IGF1R: variants seen among roughly 807,000 people sequenced by gnomAD.
The protein encoded by IGF1R is insulin like growth factor 1 receptor.
Under a neutral mutation model 144.6 loss-of-function variants are expected in IGF1R, and 44 were observed. The observed-to-expected ratio is 0.30, with a 90% confidence interval of 0.24 to 0.39. The LOEUF (loss-of-function observed/expected upper bound fraction) is 0.39, where lower values mean the gene tolerates loss of function less well. Ranked by LOEUF, IGF1R falls within the 10% of genes least tolerant of loss-of-function variation. The pLI, the probability that IGF1R is intolerant of heterozygous loss-of-function variation, is 1.00. For synonymous variants in IGF1R, 795 were observed against 722.8 expected, an observed-to-expected ratio of 1.10 and a Z score of -1.60; for missense variants, 1,355 against 1,833.7, an observed-to-expected ratio of 0.74 and a Z score of 4.77.
intron 6 of IGF1R, among the ~76,000 whole-genome samples, chr15:98,909,254 T>C (rs1291172684): frequency 1.9e-4 from 22 of 118,558 alleles, no homozygotes; most frequent in African/African-American, 3.8e-4. Context: ...TTTTTTTCTT[T>C]TTTTTTCTTT....
At chr15:98,709,283 C>A (rs2053937713) in intron 2 of IGF1R, among the ~76,000 whole-genome samples, 1 of 152,252 alleles carries the variant, frequency 6.6e-6, no homozygotes, top group Non-Finnish European at 1.5e-5. Context: ...GGTAGCCCTT[C>A]AGTTCCCGTT....
At chr15:98,660,004 T>C (rs2052566145) in intron 1 of IGF1R, among the ~76,000 whole-genome samples, 1 of 152,250 alleles carries the variant, frequency 6.6e-6, no homozygotes, top group Non-Finnish European at 1.5e-5. Context: ...TTTCATGTTT[T>C]ATTGATATTT....
chr15:98,756,301 C>T (rs2055154908), intron 2 of IGF1R, among the ~76,000 whole-genome samples: 2 of 149,902 alleles, frequency 1.3e-5, no homozygotes, highest in Admixed American at 6.6e-5. Flanking sequence ...ACTTCATAGG[C>T]ATCCCCTGTA....
rs765519620 is a variant in IGF1R at position 98,962,471 on chromosome 15, A to G, written c.*5029A>G. The G allele has an allele frequency of 8.6e-6, 2 of 233,752 alleles. No individual in the cohort carries two copies. The highest frequency in any genetic ancestry group is 1.7e-5 in the Non-Finnish European group (2 of 118,068). 14.5% of individuals were successfully genotyped at this position (233,752 alleles called of 1,614,324 possible). Reference sequence around the variant, plus strand: ...TGAAGTAGCTGGTGGTACAAATGAGAACTTCAAGAGAGGATGTTATTTAGA... The same window carrying G: ...TGAAGTAGCTGGTGGTACAAATGAGGACTTCAAGAGAGGATGTTATTTAGA... On this transcript the variant is annotated 3_prime_UTR_variant, in exon 21 of 21. Coordinates refer to ENST00000650285, the MANE Select transcript of IGF1R (RefSeq NM_000875.5).
At chr15:98,747,955 G>GT (rs1322610505) in intron 2 of IGF1R, among the ~76,000 whole-genome samples, 4 of 152,188 alleles carry the variant, frequency 2.6e-5, no homozygotes, top group African/African-American at 9.7e-5. Context: ...GGAGAGGGGT[G>GT]TGGATTCGTT....
In IGF1R at chr15:98,960,477, G is replaced by A. The variant is rs143435552; in HGVS notation, c.*3035G>A. On this transcript the variant is annotated 3_prime_UTR_variant, in exon 21 of 21. Coordinates refer to ENST00000650285, the MANE Select transcript of IGF1R (RefSeq NM_000875.5). ...GCAGATGGAATGACCAACACATTTC[G>A]TCCTTAAGAGAGCAGTGGTTCCTCA... 1.5e-4 allele frequency: 34 copies of A among 233,238 alleles called. No homozygotes were observed. In the South Asian group the frequency reaches 4.2e-3, roughly 29 times the overall value. 14.4% of individuals were successfully genotyped at this position (233,238 alleles called of 1,614,324 possible).
At chr15:98,740,689 G>A (rs1007212) in intron 2 of IGF1R, among the ~76,000 whole-genome samples, 96,722 of 151,982 alleles carry the variant, frequency 0.64, 31,028 homozygotes, top group Non-Finnish European at 0.67. Context: ...TAGTATTTTG[G>A]AGGCAGGATA....
chr15:98,752,932 A>ATTTTTTTTTTTT, intron 2 of IGF1R, among the ~76,000 whole-genome samples: 1 of 70,114 alleles, frequency 1.4e-5, no homozygotes, highest in Non-Finnish European at 2.9e-5. Context: ...AAATCATACT[A>ATTTTTTTTTTTT]TTTTTTTTTT....
chr15:98,921,165 G>A (rs1448113058), intron 10 of IGF1R, among the ~76,000 whole-genome samples: 3 of 152,146 alleles, frequency 2.0e-5, no homozygotes, highest in Admixed American at 6.5e-5. Flanking sequence ...CTCACCATTC[G>A]TCCATGGCTG....
chr15:98,952,552 G>A (rs1003332227), intron 20 of IGF1R, among the ~76,000 whole-genome samples: 5 of 152,218 alleles, frequency 3.3e-5, no homozygotes, highest in African/African-American at 1.2e-4. Context: ...ATGAAAGCAG[G>A]TGTGAGTTCT....
In IGF1R at chr15:98,707,961, C is replaced by T. The variant is rs778188308; in HGVS notation, c.494C>T (p.Ser165Phe). 6.2e-7 allele frequency: 1 copy of T among 1,614,138 alleles called. No individual in the cohort carries two copies. Among genetic ancestry groups the T allele is most frequent in the South Asian group, 1.1e-5 (1 of 91,088 alleles). The change falls in exon 2 of 21, where the codon TCC (serine) becomes TTC (phenylalanine). Residue 165 changes from serine to phenylalanine, a missense_variant. Coordinates refer to ENST00000650285, the MANE Select transcript of IGF1R (RefSeq NM_000875.5). The surrounding 1 kb of genome is among the most constrained non-coding windows in gnomAD (Gnocchi z 6.7). ...VDWSLILDAV[S>F]NNYIVGNKPP... ...TGGTCCCTGATCCTGGATGCGGTGT[C>T]CAATAACTACATTGTGGGGAATAAG...
At chr15:98,799,763 A>G (rs553683698) in intron 2 of IGF1R, among the ~76,000 whole-genome samples, 21 of 152,202 alleles carry the variant, frequency 1.4e-4, no homozygotes, top group Middle Eastern at 3.4e-3. Flanking sequence ...GTGGTGTTAA[A>G]TTTGGTATTT....
At chr15:98,682,827 T>C (rs1199010045) in intron 1 of IGF1R, among the ~76,000 whole-genome samples, 1 of 152,118 alleles carries the variant, frequency 6.6e-6, no homozygotes, top group Non-Finnish European at 1.5e-5. Context: ...ATTACAGGCA[T>C]GAGCCACCAC....
At chr15:98,668,108 A>C (rs931581508) in intron 1 of IGF1R, among the ~76,000 whole-genome samples, 1 of 152,148 alleles carries the variant, frequency 6.6e-6, no homozygotes, top group Non-Finnish European at 1.5e-5. Context: ...CTTGGCTTGC[A>C]GATGACAAAT....
intron 2 of IGF1R, among the ~76,000 whole-genome samples, chr15:98,874,746 A>T (rs959345810): frequency 6.6e-6 from 1 of 152,112 alleles, no homozygotes; most frequent in Non-Finnish European, 1.5e-5. Context: ...AATTTCAAAG[A>T]TGCTCCCTGG....
At chr15:98,717,504 A>G (rs1361130875) in intron 2 of IGF1R, among the ~76,000 whole-genome samples, 1 of 152,156 alleles carries the variant, frequency 6.6e-6, no homozygotes, top group Non-Finnish European at 1.5e-5. Flanking sequence ...GCCATACTGT[A>G]GGTGTGGTTC....
At chr15:98,835,151 C>A (rs1157014149) in intron 2 of IGF1R, among the ~76,000 whole-genome samples, 8 of 148,158 alleles carry the variant, frequency 5.4e-5, no homozygotes, top group African/African-American at 1.5e-4. Flanking sequence ...CCACACACAC[C>A]CACCCCTACA....
chr15:98,697,570 G>A (rs1298751688), intron 1 of IGF1R, among the ~76,000 whole-genome samples: 1 of 151,900 alleles, frequency 6.6e-6, no homozygotes, highest in Non-Finnish European at 1.5e-5. Flanking sequence ...CTGCAGCAGA[G>A]CTGTGGCCAA....
chr15:98,745,093 G>T (rs2054831997), intron 2 of IGF1R, among the ~76,000 whole-genome samples: 1 of 152,202 alleles, frequency 6.6e-6, no homozygotes, highest in Non-Finnish European at 1.5e-5. Flanking sequence ...GGTTGCATTT[G>T]TTTGAATGGT....
Sources: allele counts gnomAD v4.1 joint callset (sites outside exome capture counted in the v4.1 genomes callset), GRCh38; gene constraint gnomAD v4.1.1; non-coding constraint Gnocchi (gnomAD v3.1); transcripts MANE v1.5; gene names NCBI Gene and HGNC (gene_info 2026-07-23, HGNC 2026-07-21).